Variants in PLEKHA5 observed in about 807,000 individuals in gnomAD.
PLEKHA5 encodes the protein pleckstrin homology domain-containing family A member 5.
PLEKHA5 carries 55 observed loss-of-function variants against 181.9 expected under a neutral mutation model. That is an observed-to-expected ratio of 0.30 (90% CI 0.24 to 0.38). The LOEUF (loss-of-function observed/expected upper bound fraction) is 0.38, where lower values mean the gene tolerates loss of function less well. Among genes scored for constraint, PLEKHA5 ranks in the 10% least tolerant of loss-of-function variants. The pLI, the probability that PLEKHA5 is intolerant of heterozygous loss-of-function variation, is 1.00. For synonymous variants in PLEKHA5, 535 were observed against 529.4 expected, an observed-to-expected ratio of 1.01 and a Z score of -0.15; for missense variants, 1,432 against 1,549.5, an observed-to-expected ratio of 0.92 and a Z score of 1.27.
intron 3 of PLEKHA5, among the ~76,000 whole-genome samples, chr12:19,186,324 G>T (rs974143184): frequency 2.6e-5 from 4 of 152,094 alleles, no homozygotes; most frequent in African/African-American, 9.7e-5. Flanking sequence ...AATATCAAAG[G>T]ACATTGTCAC....
intron 20 of PLEKHA5, among the ~76,000 whole-genome samples, chr12:19,324,970 C>T (rs560753428): frequency 3.3e-5 from 5 of 152,134 alleles, no homozygotes; most frequent in South Asian, 2.1e-4. Flanking sequence ...CTTGAAATTC[C>T]GATTTTAGGG....
Position 19,274,827 on chromosome 12 carries a change from A to G in PLEKHA5, c.1157A>G (p.Asn386Ser), listed in dbSNP as rs760380452. 2.5e-5 allele frequency: 40 copies of G among 1,614,056 alleles called. No individual in the cohort carries two copies. The highest frequency in any genetic ancestry group is 5.3e-5 in the African/African-American group (4 of 74,916). The change falls in exon 11 of 32, where the codon AAT (asparagine) becomes AGT (serine). Residue 386 changes from asparagine (N) to serine (S), a missense_variant. Asn to Ser is a conservative substitution (Grantham distance 46). Coordinates refer to ENST00000429027, the MANE Select transcript of PLEKHA5 (RefSeq NM_001256470.2). ...NLSSSENKIV[N>S]VSLADLRGGN... ...AGCAGTTCAGAGAACAAAATAGTCA[A>G]TGTTAGCCTGGCAGATCTTAGAGGT...
chr12:19,300,856 C>G (rs973461783), intron 15 of PLEKHA5, among the ~76,000 whole-genome samples: 3 of 151,530 alleles, frequency 2.0e-5, no homozygotes, highest in African/African-American at 7.3e-5. Flanking sequence ...AAAATTTGGA[C>G]GGGTGCGGTG....
intron 3 of PLEKHA5, among the ~76,000 whole-genome samples, chr12:19,141,483 A>C (rs752602092): frequency 1.3e-5 from 2 of 152,218 alleles, no homozygotes; most frequent in Non-Finnish European, 2.9e-5. Flanking sequence ...AAGACTAGAG[A>C]TCAGAGGTCT....
At chr12:19,218,137 C>T (rs887885832) in intron 3 of PLEKHA5, among the ~76,000 whole-genome samples, 4 of 151,844 alleles carry the variant, frequency 2.6e-5, no homozygotes, top group South Asian at 4.2e-4. Flanking sequence ...GGGACTTGTT[C>T]GAAGCTTAAG....
At chr12:19,317,921 CTTTTTT>C (rs71064082) in intron 16 of PLEKHA5, among the ~76,000 whole-genome samples, 3 of 67,512 alleles carry the variant, frequency 4.4e-5, no homozygotes, top group Non-Finnish European at 8.3e-5. Flanking sequence ...CAAACCAAAC[CTTTTTT>C]TTTTTTTTTT....
chr12:19,294,418 T>C (rs2079243221), intron 15 of PLEKHA5, among the ~76,000 whole-genome samples: 1 of 152,152 alleles, frequency 6.6e-6, no homozygotes, highest in African/African-American at 2.4e-5. Context: ...ATCAGTTTTA[T>C]GTAACCACAA....
rs1271400735 is a variant in PLEKHA5, at chr12:19,375,978, C to T, written c.*459C>T. 6.6e-6 allele frequency: 1 copy of T among 151,298 alleles called. No individual in the cohort carries two copies. Among genetic ancestry groups the T allele is most frequent in the Non-Finnish European group, 1.5e-5 (1 of 67,796 alleles). The allele number at this position is 151,298 out of a possible 1,614,324, so 9.4% of individuals were successfully genotyped here. Reference sequence around the variant, plus strand: ...TAGCTACTGCAGTGCTTTTGTTTCACACTTGATTTGTAAAAATTTTATATA... The same window carrying T: ...TAGCTACTGCAGTGCTTTTGTTTCATACTTGATTTGTAAAAATTTTATATA... On this transcript the variant is annotated 3_prime_UTR_variant, in exon 32 of 32. Transcript: ENST00000429027.
Position 19,359,393 on chromosome 12 carries a change from C to T in PLEKHA5, c.3349-19C>T, listed in dbSNP as rs1460394081. On this transcript the variant is annotated intron_variant, in intron 27 of 31. Coordinates refer to ENST00000429027, the MANE Select transcript of PLEKHA5 (RefSeq NM_001256470.2). ...CATGCACAGTATGAGTATAAAAATG[C>T]TATATGTCTTTTGAGCAGACTCGAA... The T allele has an allele frequency of 1.2e-6, 2 of 1,607,116 alleles. No individual in the cohort carries two copies. Among genetic ancestry groups the T allele is most frequent in the Non-Finnish European group, 1.7e-6 (2 of 1,175,066 alleles).
At chr12:19,273,760 A>G (rs1000591149) in intron 10 of PLEKHA5, among the ~76,000 whole-genome samples, 2 of 152,196 alleles carry the variant, frequency 1.3e-5, no homozygotes, top group Non-Finnish European at 2.9e-5. Context: ...GGGATGCCAG[A>G]TTCTAACCCA....
At chr12:19,351,863 C>T (rs2094609017) in intron 25 of PLEKHA5, among the ~76,000 whole-genome samples, 4 of 152,064 alleles carry the variant, frequency 2.6e-5, no homozygotes, top group Admixed American at 2.6e-4. Context: ...CACCTGAGGT[C>T]AGGAGTTCCA....
chr12:19,365,365 CA>C (rs71064098), intron 29 of PLEKHA5, among the ~76,000 whole-genome samples: 16,791 of 83,922 alleles, frequency 0.2, 805 homozygotes, highest in Middle Eastern at 0.38. Context: ...GACTCCGTCT[CA>C]AAAAAAAAAA....
intron 12 of PLEKHA5, among the ~76,000 whole-genome samples, chr12:19,285,492 T>C (rs531839937): frequency 6.6e-6 from 1 of 152,352 alleles, no homozygotes; most frequent in East Asian, 1.9e-4. Context: ...TAAAGTGTAG[T>C]TCATGGACCC....
chr12:19,309,737 T>C (rs2085708092), intron 15 of PLEKHA5, among the ~76,000 whole-genome samples: 1 of 119,634 alleles, frequency 8.4e-6, no homozygotes, highest in African/African-American at 2.5e-5. Context: ...AGAGTGAGAC[T>C]CTGTCTCAAA....
intron 11 of PLEKHA5, among the ~76,000 whole-genome samples, chr12:19,278,901 G>A (rs373672447): frequency 6.6e-5 from 10 of 152,242 alleles, no homozygotes; most frequent in African/African-American, 2.4e-4. Flanking sequence ...ACCTCTTTTT[G>A]AGTAGAGACA....
intron 6 of PLEKHA5, among the ~76,000 whole-genome samples, chr12:19,258,297 C>G (rs2067393899): frequency 6.6e-6 from 1 of 152,110 alleles, no homozygotes; most frequent in South Asian, 2.1e-4. Flanking sequence ...TGGTAGATAA[C>G]TGAGGTGACA....
At chr12:19,223,340 G>GT (rs2059254604) in intron 3 of PLEKHA5, among the ~76,000 whole-genome samples, 1 of 152,050 alleles carries the variant, frequency 6.6e-6, no homozygotes, top group Non-Finnish European at 1.5e-5. Flanking sequence ...CTGTTAAAAT[G>GT]TTTTTGTTTT....
chr12:19,364,732 G>T (rs1207231360), intron 29 of PLEKHA5, among the ~76,000 whole-genome samples: 3 of 151,570 alleles, frequency 2.0e-5, no homozygotes, highest in African/African-American at 7.3e-5. Flanking sequence ...CGCAATCTTG[G>T]CTCACTGCAA....
At chr12:19,258,641 C>T (rs530053098) in intron 6 of PLEKHA5, among the ~76,000 whole-genome samples, 5 of 148,804 alleles carry the variant, frequency 3.4e-5, no homozygotes, top group South Asian at 2.1e-4. Flanking sequence ...CTCAGCTCAC[C>T]GCAACCTCTG....
Sources: allele counts gnomAD v4.1 joint callset (sites outside exome capture counted in the v4.1 genomes callset), GRCh38; gene constraint gnomAD v4.1.1; transcripts MANE v1.5; gene names NCBI Gene and HGNC (gene_info 2026-07-23, HGNC 2026-07-21).